The following NRCAM variants were observed in gnomAD, a reference collection of about 807,000 sequenced individuals.
NRCAM encodes neuronal cell adhesion molecule.
NRCAM carries 83 observed loss-of-function variants against 156.5 expected under a neutral mutation model. The ratio of observed to expected loss-of-function variants is 0.53; its 90% CI spans 0.44 to 0.64. NRCAM has a LOEUF of 0.64. Ranked by LOEUF, NRCAM falls within the 30% of genes least tolerant of loss-of-function variation. The pLI is 0.00. For synonymous variants in NRCAM, 538 were observed against 563.9 expected (o/e 0.95, Z 0.65); for missense variants, 1,417 against 1,597.3 (o/e 0.89, Z 1.92).
chr7:108,340,434 G>A (rs35659068), intron 2 of NRCAM, among the ~76,000 whole-genome samples: 43,397 of 151,790 alleles, frequency 0.29, 6,632 homozygotes, highest in East Asian at 0.55. Context: ...GAGATGTAAT[G>A]TTACTGCTAA....
chr7:108,192,669 T>C (rs1469825238), intron 17 of NRCAM, among the ~76,000 whole-genome samples: 3 of 152,146 alleles, frequency 2.0e-5, no homozygotes, highest in African/African-American at 4.8e-5. Context: ...CAAGAAACAT[T>C]GGAAAACCAC....
chr7:108,176,760 T>C, intron 26 of NRCAM, 154 bp from the exon 27 acceptor site: 1 of 598,640 alleles, frequency 1.7e-6, no homozygotes, highest in Non-Finnish European at 2.9e-6. Context: ...AGTGATAACC[T>C]TTTAACAGCT....
intron 13 of NRCAM, among the ~76,000 whole-genome samples, chr7:108,206,140 A>G (rs2081027033): frequency 6.6e-6 from 1 of 152,234 alleles, no homozygotes. Flanking sequence ...TCTGACAGCT[A>G]CTGTACTACG....
intron 3 of NRCAM, among the ~76,000 whole-genome samples, chr7:108,241,264 C>T (rs923202483): frequency 6.6e-5 from 10 of 152,208 alleles, no homozygotes; most frequent in African/African-American, 2.4e-4. Flanking sequence ...TTGTAGCCCT[C>T]TCCCAACACC....
At chr7:108,450,615 A>G (rs1350203431) in intron 1 of NRCAM, among the ~76,000 whole-genome samples, 1 of 86,948 alleles carries the variant, frequency 1.2e-5, no homozygotes, top group African/African-American at 4.1e-5. Context: ...TTTTGGCAGT[A>G]AAAAAAGCAT....
chr7:108,198,897 G>A (rs1323506408), intron 13 of NRCAM, among the ~76,000 whole-genome samples: 5 of 152,176 alleles, frequency 3.3e-5, no homozygotes, highest in Admixed American at 3.3e-4. Context: ...AATAGAACTG[G>A]CTGGGTAACA....
intron 3 of NRCAM, among the ~76,000 whole-genome samples, chr7:108,296,442 A>C (rs1362625721): frequency 6.6e-6 from 1 of 152,180 alleles, no homozygotes; most frequent in Non-Finnish European, 1.5e-5. Flanking sequence ...ACATGGAAGA[A>C]TATACAGGTG....
intron 1 of NRCAM, among the ~76,000 whole-genome samples, chr7:108,407,954 G>A (rs1268258967): frequency 6.6e-6 from 1 of 152,180 alleles, no homozygotes; most frequent in African/African-American, 2.4e-5. Context: ...GGACTCTCCA[G>A]GTGGTTGTAA....
At position 108,170,379 on chromosome 7, in the gene NRCAM, G is replaced by T. The variant is rs1258925765; in HGVS notation, c.3188-1977C>A. Among the ~76,000 whole-genome samples, 5 of 152,152 alleles carry T rather than the reference G, an allele frequency of 3.3e-5. No individual in the cohort carries two copies. In the East Asian group the frequency reaches 9.6e-4, roughly 29 times the overall value. On this transcript the variant is annotated intron_variant, in intron 28 of 32. Transcript: ENST00000379028. ...GGGCCCCAGAATCACTAAGCTAAAG[G>T]GAAAAGTCAATCTGGGAACTGCTTA...
chr7:108,276,434 A>G (rs529731692), intron 3 of NRCAM, among the ~76,000 whole-genome samples: 55 of 152,282 alleles, frequency 3.6e-4, no homozygotes, highest in Non-Finnish European at 5.9e-4. Context: ...GGGTGCATAT[A>G]TATTTAGGAT....
intron 11 of NRCAM, among the ~76,000 whole-genome samples, chr7:108,218,123 C>T (rs1012974922): frequency 6.6e-6 from 1 of 151,442 alleles, no homozygotes; most frequent in Admixed American, 6.6e-5. Context: ...GGCCGGAATG[C>T]ACTGTTCCTC....
chr7:108,252,851 C>A (rs918514740), intron 3 of NRCAM, among the ~76,000 whole-genome samples: 2 of 152,194 alleles, frequency 1.3e-5, no homozygotes, highest in African/African-American at 4.8e-5. Flanking sequence ...AACATTTCTG[C>A]GAAAATTTTG....
chr7:108,354,016 G>A (rs2099455918), intron 2 of NRCAM, among the ~76,000 whole-genome samples: 1 of 152,164 alleles, frequency 6.6e-6, no homozygotes, highest in African/African-American at 2.4e-5. Context: ...TCACATACAT[G>A]TCCTTCCCAA....
chr7:108,366,280 T>C (rs2099591344), intron 2 of NRCAM, among the ~76,000 whole-genome samples: 2 of 152,332 alleles, frequency 1.3e-5, no homozygotes, highest in South Asian at 4.1e-4. Flanking sequence ...ATCAGATTCA[T>C]GATTCTGTCC....
chr7:108,214,585 T>C (rs2086792415), intron 11 of NRCAM, among the ~76,000 whole-genome samples: 1 of 152,232 alleles, frequency 6.6e-6, no homozygotes, highest in South Asian at 2.1e-4. Context: ...TGAAGGGTTT[T>C]TCATGTCTCT....
intron 3 of NRCAM, among the ~76,000 whole-genome samples, chr7:108,276,518 GT>G (rs1444127481): frequency 4.6e-5 from 7 of 150,638 alleles, no homozygotes; most frequent in African/African-American, 7.3e-5. Context: ...GATCTTTGTT[GT>G]TTTAAAGTCT....
At chr7:108,444,029 G>A (rs1841761604) in intron 1 of NRCAM, among the ~76,000 whole-genome samples, 1 of 152,040 alleles carries the variant, frequency 6.6e-6, no homozygotes, top group Admixed American at 6.6e-5. Flanking sequence ...CCTGGGTTTT[G>A]CATCTGTAGA....
At chr7:108,316,742 T>G (rs1486195460) in intron 2 of NRCAM, among the ~76,000 whole-genome samples, 2 of 148,226 alleles carry the variant, frequency 1.3e-5, no homozygotes, top group Admixed American at 1.4e-4. Context: ...TGAGCCAAGA[T>G]CACACCACTG....
chr7:108,333,809 T>C (rs73418482), intron 2 of NRCAM, among the ~76,000 whole-genome samples: 1,559 of 152,324 alleles, frequency 0.01, 25 homozygotes, highest in African/African-American at 0.034. Flanking sequence ...ACTTTACTCC[T>C]TCTGCTACAG....
Sources: allele counts gnomAD v4.1 joint callset (sites outside exome capture counted in the v4.1 genomes callset), GRCh38; gene constraint gnomAD v4.1.1; transcripts MANE v1.5; gene names NCBI Gene and HGNC (gene_info 2026-07-23, HGNC 2026-07-21).